The following RPS6KC1 variants were observed in gnomAD, a reference collection of about 807,000 sequenced individuals.
RPS6KC1 encodes the protein inactive ribosomal protein S6 kinase delta-1.
In RPS6KC1, 54 loss-of-function variants were observed where a neutral mutation model predicts 103.8. That is an observed-to-expected ratio of 0.52 (90% CI 0.42 to 0.65). RPS6KC1 has a LOEUF of 0.65. Among genes scored for constraint, RPS6KC1 ranks in the 30% least tolerant of loss-of-function variants. The probability of loss-of-function intolerance (pLI) is 0.00; values close to 1 mark genes in which losing one functional copy is unlikely to be tolerated. For missense variants in RPS6KC1, 1,151 were observed against 1,253.8 expected, an observed-to-expected ratio of 0.92 and a Z score of 1.24; for synonymous variants, 439 against 438.7, an observed-to-expected ratio of 1.00 and a Z score of -0.01.
the RPS6KC1 span, among the ~76,000 whole-genome samples, chr1:213,813,870 C>G: frequency 6.6e-6 from 1 of 152,106 alleles, no homozygotes; most frequent in African/African-American, 2.4e-5. Flanking sequence ...CTTCTCATAG[C>G]GATTAGCACT....
the RPS6KC1 span, among the ~76,000 whole-genome samples, chr1:213,770,220 A>C: frequency 1.3e-5 from 2 of 152,180 alleles, no homozygotes; most frequent in Non-Finnish European, 2.9e-5. Flanking sequence ...AGGTCATGCA[A>C]CATGTTTGCA....
At chr1:213,457,769 G>C in the RPS6KC1 span, among the ~76,000 whole-genome samples, 3 of 152,150 alleles carry the variant, frequency 2.0e-5, no homozygotes, top group African/African-American at 7.2e-5. Flanking sequence ...CTTAATTGCT[G>C]GGTTCATACA....
chr1:213,803,233 G>A, the RPS6KC1 span, among the ~76,000 whole-genome samples: 3 of 147,110 alleles, frequency 2.0e-5, no homozygotes. Flanking sequence ...AAATAACAAG[G>A]CAGTGGCTTT....
chr1:213,360,084 G>A, the RPS6KC1 span, among the ~76,000 whole-genome samples: 2 of 152,036 alleles, frequency 1.3e-5, no homozygotes, highest in East Asian at 1.9e-4. Context: ...TCTGTATTTC[G>A]TGAATTTGAA....
At chr1:213,758,577 T>TA in the RPS6KC1 span, among the ~76,000 whole-genome samples, 11 of 134,404 alleles carry the variant, frequency 8.2e-5, no homozygotes, top group Non-Finnish European at 1.6e-4. Flanking sequence ...AGACTCTGTC[T>TA]CAAAAAAAAA....
At chr1:213,731,781 T>C in the RPS6KC1 span, among the ~76,000 whole-genome samples, 1 of 152,166 alleles carries the variant, frequency 6.6e-6, no homozygotes. Flanking sequence ...TAGTGGAATA[T>C]GATTTATAAT....
At chr1:213,807,711 G>C in the RPS6KC1 span, among the ~76,000 whole-genome samples, 6 of 152,030 alleles carry the variant, frequency 3.9e-5, no homozygotes, top group South Asian at 1.2e-3. Flanking sequence ...TAACTTCTTT[G>C]CCTTTGGTTT....
At chr1:213,133,066 T>A (rs2085835167) in intron 6 of RPS6KC1, among the ~76,000 whole-genome samples, 1 of 152,206 alleles carries the variant, frequency 6.6e-6, no homozygotes. Context: ...TTGAATTCTC[T>A]TTGAACCTGA....
the RPS6KC1 span, among the ~76,000 whole-genome samples, chr1:213,674,243 T>A: frequency 1.3e-5 from 2 of 152,182 alleles, no homozygotes; most frequent in Non-Finnish European, 2.9e-5. Context: ...GGTCTTGAAC[T>A]CCTAATCTCA....
At chr1:213,058,497 C>T (rs1235378548) in intron 1 of RPS6KC1, among the ~76,000 whole-genome samples, 5 of 150,406 alleles carry the variant, frequency 3.3e-5, no homozygotes, top group Non-Finnish European at 5.9e-5. Context: ...CTGTTTTTGC[C>T]TCTGGTTGTC....
At chr1:213,313,895 G>C in the RPS6KC1 span, among the ~76,000 whole-genome samples, 3 of 152,188 alleles carry the variant, frequency 2.0e-5, no homozygotes, top group Non-Finnish European at 4.4e-5. Context: ...GGAGCTTGCA[G>C]TGAGCCGAGA....
At chr1:213,693,098 TATATC>T in the RPS6KC1 span, among the ~76,000 whole-genome samples, 2 of 152,204 alleles carry the variant, frequency 1.3e-5, no homozygotes, top group Admixed American at 1.3e-4. Context: ...AAGCCTAGAC[TATATC>T]TGCTTTCTCT....
chr1:213,230,431 G>A lies in RPS6KC1; in HGVS notation c.1045-66G>A, dbSNP rs2094066033. 6 of 1,218,074 alleles carry A rather than the reference G, an allele frequency of 4.9e-6. No homozygotes were observed. In the South Asian group the frequency reaches 6.8e-5, roughly 14 times the overall value. 75.5% of individuals were successfully genotyped at this position (1,218,074 alleles called of 1,614,324 possible). A position where few individuals can be genotyped will look rare whatever the true frequency, so the allele number is the denominator to read the frequency against. Reference sequence around the variant, plus strand: ...AGCCCTGCCCTACTCTTAAAGTTTAGTTTAAAGCTAAGAGTTAATGTTTCA... The same window carrying A: ...AGCCCTGCCCTACTCTTAAAGTTTAATTTAAAGCTAAGAGTTAATGTTTCA... On this transcript the variant is annotated intron_variant, in intron 8 of 14. Coordinates refer to ENST00000366960, the MANE Select transcript of RPS6KC1 (RefSeq NM_012424.6).
chr1:213,539,158 T>G, the RPS6KC1 span, among the ~76,000 whole-genome samples: 2 of 152,332 alleles, frequency 1.3e-5, no homozygotes, highest in South Asian at 4.1e-4. Context: ...GGGAAAACTG[T>G]CAGCTCTAGA....
the RPS6KC1 span, among the ~76,000 whole-genome samples, chr1:213,348,047 G>C: frequency 6.6e-6 from 1 of 152,300 alleles, no homozygotes; most frequent in East Asian, 1.9e-4. Flanking sequence ...TGAAGGGCCT[G>C]ATAGACCCCA....
At chr1:213,233,066 T>C (rs569849793) in intron 10 of RPS6KC1, among the ~76,000 whole-genome samples, 7 of 152,322 alleles carry the variant, frequency 4.6e-5, no homozygotes, top group African/African-American at 1.7e-4. Flanking sequence ...GCATAACATT[T>C]GTATTTAATA....
chr1:213,775,571 G>T, the RPS6KC1 span, among the ~76,000 whole-genome samples: 1 of 152,066 alleles, frequency 6.6e-6, no homozygotes, highest in Non-Finnish European at 1.5e-5. Flanking sequence ...ATACTTTATT[G>T]CTAAAAAATG....
chr1:213,789,678 T>C, the RPS6KC1 span, among the ~76,000 whole-genome samples: 2 of 152,270 alleles, frequency 1.3e-5, no homozygotes, highest in Non-Finnish European at 2.9e-5. Context: ...CTCTATCGAG[T>C]CTACTTGATA....
chr1:213,221,917 G>A (rs1238015684), intron 8 of RPS6KC1, among the ~76,000 whole-genome samples: 2 of 152,124 alleles, frequency 1.3e-5, no homozygotes, highest in Admixed American at 1.3e-4. Context: ...ATATAATTCT[G>A]GTAGATTTGG....
Sources: allele counts gnomAD v4.1 joint callset (sites outside exome capture counted in the v4.1 genomes callset), GRCh38; gene constraint gnomAD v4.1.1; transcripts MANE v1.5; gene names NCBI Gene and HGNC (gene_info 2026-07-23, HGNC 2026-07-21).